Variants in PLEKHH2 observed in about 807,000 individuals in gnomAD.
The protein encoded by PLEKHH2 is pleckstrin homology domain-containing family H member 2.
In PLEKHH2, 129 loss-of-function variants were observed where a neutral mutation model predicts 187.9. The observed-to-expected ratio is 0.69, with a 90% confidence interval of 0.59 to 0.79. PLEKHH2 has a LOEUF of 0.79. Ranked by LOEUF, PLEKHH2 falls within the 30% of genes least tolerant of loss-of-function variation. The pLI is 0.00. For missense variants in PLEKHH2, 2,076 were observed against 1,751.2 expected (o/e 1.19, Z -3.31); for synonymous variants, 686 against 605.6 (o/e 1.13, Z -1.95).
At chr2:43,679,483 T>C in intron 3 of PLEKHH2, 1 of 346,068 alleles carries the variant, frequency 2.9e-6, no homozygotes, top group South Asian at 2.1e-5. Context: ...GAATCAGGAA[T>C]GATTTTTTCC....
chr2:43,656,517 C>T (rs185592315), intron 2 of PLEKHH2, among the ~76,000 whole-genome samples: 82 of 152,088 alleles, frequency 5.4e-4, no homozygotes, highest in Middle Eastern at 3.4e-3. Context: ...GGAATGATGA[C>T]CAGATAGATG....
intron 3 of PLEKHH2, among the ~76,000 whole-genome samples, chr2:43,683,403 T>C (rs1668335086): frequency 6.6e-6 from 1 of 152,066 alleles, no homozygotes; most frequent in Non-Finnish European, 1.5e-5. Context: ...CCTCCCAGAG[T>C]GCTGGTGTTA....
At position 43,725,752 on chromosome 2, in the gene PLEKHH2, T is replaced by C. The variant is rs545920578; in HGVS notation, c.2542-520T>C. ...GTTCTTTCATATTACTTTTAGGCTC[T>C]TTGGTTGTTGCCACTACTTTTGTTA... On this transcript the variant is annotated intron_variant, in intron 16 of 29. Coordinates refer to ENST00000282406, the MANE Select transcript of PLEKHH2 (RefSeq NM_172069.4). Among the ~76,000 whole-genome samples, 68 of 152,318 alleles carry C rather than the reference T, an allele frequency of 4.5e-4. 1 individual carries two copies. Among genetic ancestry groups the C allele is most frequent in the African/African-American group, 1.4e-3 (59 of 41,576 alleles).
chr2:43,689,364 C>A (rs62136375), intron 3 of PLEKHH2, among the ~76,000 whole-genome samples: 23,652 of 152,142 alleles, frequency 0.16, 1,929 homozygotes, highest in Middle Eastern at 0.23. Flanking sequence ...ACACTGGAGG[C>A]TATCCGTGTA....
At chr2:43,637,753 C>A (rs1341329278) in intron 1 of PLEKHH2, among the ~76,000 whole-genome samples, 1 of 152,200 alleles carries the variant, frequency 6.6e-6, no homozygotes, top group African/African-American at 2.4e-5. Flanking sequence ...AGCCGAGGGA[C>A]CCGCGCGGTC....
At chr2:43,758,786 G>A in intron 26 of PLEKHH2, 114 bp from the exon 27 acceptor site, 1 of 834,052 alleles carries the variant, frequency 1.2e-6, no homozygotes, top group East Asian at 2.8e-5. Flanking sequence ...GTTATGCCTA[G>A]GGATCACAGT....
At chr2:43,694,625 T>A in intron 5 of PLEKHH2, 111 bp downstream of exon 5, 1 of 1,148,940 alleles carries the variant, frequency 8.7e-7, no homozygotes, top group Non-Finnish European at 1.2e-6. Flanking sequence ...GATCGGTTGG[T>A]GATACTGCTA....
intron 2 of PLEKHH2, among the ~76,000 whole-genome samples, chr2:43,659,922 CT>C (rs1666983945): frequency 6.6e-6 from 1 of 152,094 alleles, no homozygotes; most frequent in African/African-American, 2.4e-5. Context: ...AAAAGTCACC[CT>C]TTTGGGTGTT....
In PLEKHH2 at chr2:43,752,107, T is replaced by C. The variant is rs529988406; in HGVS notation, c.3654-1512T>C. Among the ~76,000 whole-genome samples the C allele has an allele frequency of 2.0e-5, 3 of 152,258 alleles. No individual in the cohort carries two copies. The East Asian group carries it at 5.8e-4, about 29-fold the overall frequency. On this transcript the variant is annotated intron_variant, in intron 24 of 29. Coordinates refer to ENST00000282406, the MANE Select transcript of PLEKHH2 (RefSeq NM_172069.4). Reference sequence around the variant, plus strand: ...TAACACTTAGCTAAACTCTAATGGATTACAGTGATGAGTATGATATACTTC... The same window carrying C: ...TAACACTTAGCTAAACTCTAATGGACTACAGTGATGAGTATGATATACTTC...
In PLEKHH2 at chr2:43,695,224, G is replaced by C; in HGVS notation, c.502G>C (p.Glu168Gln). The C allele has an allele frequency of 5.1e-6, 8 of 1,559,840 alleles. No homozygotes were observed. The highest frequency in any genetic ancestry group is 5.3e-6 in the Non-Finnish European group (6 of 1,140,418). Residue 168 changes from glutamate (E) to glutamine (Q), a missense_variant and splice_region_variant, in exon 6 of 30, where the codon GAA becomes CAA. By Grantham distance (29) the Glu-to-Gln change is conservative. Transcript: ENST00000282406. ...AAGAACAATGCAGTCAAAACTACAA[G>C]GTACAAATACTTTACTAAGATAGCT... ...EIRTMQSKLQ[E>Q]VQGKKSSTVS...
Position 43,735,498 on chromosome 2 carries a change from C to G in PLEKHH2, c.2944-2843C>G, listed in dbSNP as rs149663214. 2.1e-3 allele frequency among the ~76,000 whole-genome samples: 326 copies of G among 152,152 alleles called. 2 individuals are homozygous for G. The highest frequency in any genetic ancestry group is 7.2e-3 in the African/African-American group (300 of 41,506). ...TACATTTATTTAAGAAGAATAAGTT[C>G]TAGTGTTCAACAGCACAGTAGGGCA... On this transcript the variant is annotated intron_variant, in intron 19 of 29. Transcript: ENST00000282406.
At position 43,757,141 on chromosome 2, in the gene PLEKHH2, G is replaced by C; in HGVS notation, c.3818G>C (p.Arg1273Thr). 6.3e-7 allele frequency: 1 copy of C among 1,582,200 alleles called. No homozygotes were observed. Among genetic ancestry groups the C allele is most frequent in the Middle Eastern group, 1.7e-4 (1 of 5,964 alleles). Residue 1273 changes from arginine to threonine, a missense_variant, in exon 26 of 30, where the codon AGA becomes ACA. Coordinates refer to ENST00000282406, the MANE Select transcript of PLEKHH2 (RefSeq NM_172069.4). ...LSQVEIGDFE[R>T]PFSTPAGHVT... Reference sequence around the variant, plus strand: ...TAGGTAGAGATTGGAGATTTTGAAAGACCTTTCTCAACTCCAGCAGGGCAT... The same window carrying C: ...TAGGTAGAGATTGGAGATTTTGAAACACCTTTCTCAACTCCAGCAGGGCAT...
Position 43,753,610 on chromosome 2 carries a change from T to C in PLEKHH2, c.3654-9T>C, listed in dbSNP as rs1047733714. ...AATTTAATGAGAAATTTACTCTTTT[T>C]TTTTACAGACTATATTTCTCAGTGC... On this transcript the variant is annotated splice_polypyrimidine_tract_variant and intron_variant, in intron 24 of 29. Coordinates refer to ENST00000282406, the MANE Select transcript of PLEKHH2 (RefSeq NM_172069.4). 7.6e-6 allele frequency: 11 copies of C among 1,444,872 alleles called. No individual in the cohort carries two copies. Among genetic ancestry groups the C allele is most frequent in the Non-Finnish European group, 1.0e-5 (11 of 1,092,728 alleles). The allele number at this position is 1,444,872 out of a possible 1,614,324, so 89.5% of individuals were successfully genotyped here. A position where few individuals can be genotyped will look rare whatever the true frequency, so the allele number is the denominator to read the frequency against.
At chr2:43,722,718 A>G (rs1470864080) in intron 16 of PLEKHH2, among the ~76,000 whole-genome samples, 1 of 152,250 alleles carries the variant, frequency 6.6e-6, no homozygotes, top group African/African-American at 2.4e-5. Flanking sequence ...CTGTGATCAC[A>G]GTAATATGGA....
At chr2:43,659,787 G>A (rs1224692985) in intron 2 of PLEKHH2, among the ~76,000 whole-genome samples, 1 of 151,970 alleles carries the variant, frequency 6.6e-6, no homozygotes, top group Non-Finnish European at 1.5e-5. Flanking sequence ...TCGAACTCCT[G>A]ACCTCAAGTG....
At chr2:43,733,451 T>G (rs1161653503) in intron 19 of PLEKHH2, among the ~76,000 whole-genome samples, 2 of 152,084 alleles carry the variant, frequency 1.3e-5, no homozygotes. Context: ...GGACCTTCTG[T>G]GTTTCCAAGT....
chr2:43,738,884 G>A (rs1438593466), intron 20 of PLEKHH2, among the ~76,000 whole-genome samples: 3 of 152,080 alleles, frequency 2.0e-5, no homozygotes, highest in East Asian at 3.9e-4. Flanking sequence ...AAATACCTCT[G>A]CAGTAGACAT....
intron 15 of PLEKHH2, among the ~76,000 whole-genome samples, chr2:43,717,009 C>G (rs115600939): frequency 1.3e-5 from 2 of 152,112 alleles, no homozygotes; most frequent in African/African-American, 4.8e-5. Context: ...AGAGTTGTTT[C>G]GTGATCAAAC....
At chr2:43,738,941 G>C (rs1374709232) in intron 20 of PLEKHH2, among the ~76,000 whole-genome samples, 1 of 152,034 alleles carries the variant, frequency 6.6e-6, no homozygotes, top group Non-Finnish European at 1.5e-5. Context: ...GCCCAGGCTG[G>C]AGTGCAATGG....
Sources: gnomAD v4.1 joint callset for allele counts (sites outside exome capture counted in the v4.1 genomes callset) on GRCh38, gnomAD v4.1.1 for gene constraint, MANE v1.5 for transcripts, NCBI Gene and HGNC (gene_info 2026-07-23, HGNC 2026-07-21) for gene names.